The following GALNT9 variants were observed in gnomAD, a reference collection of about 807,000 sequenced individuals.
The protein encoded by GALNT9 is polypeptide N-acetylgalactosaminyltransferase 9.
A neutral mutation model predicts 63.1 loss-of-function variants in GALNT9; 47 were observed. That is an observed-to-expected ratio of 0.75 (90% confidence interval 0.59 to 0.95). The LOEUF (loss-of-function observed/expected upper bound fraction) is 0.95, where lower values mean the gene tolerates loss of function less well. Ranked by LOEUF, GALNT9 falls within the 40% of genes least tolerant of loss-of-function variation. The probability of loss-of-function intolerance (pLI) is 0.00; values close to 1 mark genes in which losing one functional copy is unlikely to be tolerated. For missense variants in GALNT9, 829 were observed against 874.8 expected (o/e 0.95, Z 0.66); for synonymous variants, 396 against 365.7 (o/e 1.08, Z -0.94).
At chr12:132,321,071 G>A (rs1290555747) in intron 1 of GALNT9, among the ~76,000 whole-genome samples, 2 of 152,222 alleles carry the variant, frequency 1.3e-5, no homozygotes, top group Admixed American at 6.5e-5. Flanking sequence ...GTGCCTGGCA[G>A]TGGGTGGAGC....
chr12:132,220,519 T>C (rs1877406956), intron 6 of GALNT9, among the ~76,000 whole-genome samples: 2 of 152,220 alleles, frequency 1.3e-5, no homozygotes, highest in South Asian at 2.1e-4. Flanking sequence ...AAATGTAAGA[T>C]GCAGTCAGTA....
chr12:132,197,472 A>G (rs10794455), intron 10 of GALNT9, among the ~76,000 whole-genome samples: 30,158 of 149,286 alleles, frequency 0.2, 2,989 homozygotes, highest in Middle Eastern at 0.31. Flanking sequence ...CTAGCGGCCC[A>G]GGTTGGAATC....
intron 1 of GALNT9, among the ~76,000 whole-genome samples, chr12:132,320,648 G>A (rs1382871653): frequency 6.8e-5 from 2 of 29,482 alleles, no homozygotes; most frequent in Non-Finnish European, 1.3e-4. Flanking sequence ...GTGGGACACG[G>A]TGGAGGAGGT....
rs372547771 is a variant in GALNT9, at chr12:132,299,484, A to C, written c.239-13054T>G. On this transcript the variant is annotated intron_variant, in intron 1 of 10. Transcript: ENST00000328957. ...AACCCACCCCTGAGATGACCAAGCC[A>C]CTCCTGAGATAACTCACTCCCATAA... 4.4e-4 allele frequency among the ~76,000 whole-genome samples: 58 copies of C among 132,382 alleles called. 1 individual carries two copies. The East Asian group carries it at 0.01, about 23-fold the overall frequency. 86.8% of individuals were successfully genotyped at this position (132,382 alleles called of 152,430 possible). A position where few individuals can be genotyped will look rare whatever the true frequency, so the allele number is the denominator to read the frequency against.
intron 5 of GALNT9, among the ~76,000 whole-genome samples, chr12:132,253,831 C>G (rs1228820407): frequency 6.6e-6 from 1 of 152,216 alleles, no homozygotes; most frequent in African/African-American, 2.4e-5. Context: ...CACACTTTCT[C>G]TGCCCGGGGC....
At chr12:132,299,891 C>G (rs1881226370) in intron 1 of GALNT9, among the ~76,000 whole-genome samples, 4 of 144,986 alleles carry the variant, frequency 2.8e-5, no homozygotes, top group African/African-American at 5.1e-5. Flanking sequence ...CTAACCCACT[C>G]CCACCACACC....
At chr12:132,256,131 G>T (rs1335264486) in intron 5 of GALNT9, among the ~76,000 whole-genome samples, 1 of 152,076 alleles carries the variant, frequency 6.6e-6, no homozygotes, top group Non-Finnish European at 1.5e-5. Context: ...GGCCCATTTT[G>T]ACTGATGGAG....
intron 6 of GALNT9, among the ~76,000 whole-genome samples, chr12:132,243,811 G>A (rs1410264053): frequency 1.3e-5 from 2 of 152,102 alleles, no homozygotes; most frequent in Non-Finnish European, 2.9e-5. Flanking sequence ...GGAATCAGCC[G>A]CTGTCCCAGC....
intron 2 of GALNT9, among the ~76,000 whole-genome samples, chr12:132,271,230 C>T (rs532429946): frequency 6.6e-6 from 1 of 151,628 alleles, no homozygotes; most frequent in African/African-American, 2.4e-5. Flanking sequence ...CTTGGGGACA[C>T]GTTTGCCAGC....
intron 1 of GALNT9, among the ~76,000 whole-genome samples, chr12:132,307,853 A>C (rs528222560): frequency 2.5e-4 from 37 of 150,352 alleles, no homozygotes; most frequent in Non-Finnish European, 4.7e-4. Context: ...AAACAACAAC[A>C]ACCACAAAAA....
At chr12:132,320,641 G>C (rs375489284) in intron 1 of GALNT9, among the ~76,000 whole-genome samples, 2 of 29,384 alleles carry the variant, frequency 6.8e-5, no homozygotes, top group Non-Finnish European at 1.3e-4. Flanking sequence ...TGGATCCGTG[G>C]GACACGGTGG....
At chr12:132,314,874 T>G (rs1315719156) in intron 1 of GALNT9, among the ~76,000 whole-genome samples, 1 of 152,228 alleles carries the variant, frequency 6.6e-6, no homozygotes, top group Non-Finnish European at 1.5e-5. Flanking sequence ...GGAGTCGGGC[T>G]GGAAGGTCGG....
intron 1 of GALNT9, 95 bp downstream of exon 1, chr12:132,328,871 G>A (rs1192720139): frequency 7.5e-7 from 1 of 1,342,200 alleles, no homozygotes; most frequent in Non-Finnish European, 9.7e-7. Flanking sequence ...GGGCGCAGAG[G>A]GGCGCGCACC....
At position 132,231,123 on chromosome 12, in the gene GALNT9, C is replaced by T. The variant is rs1320308668; in HGVS notation, c.1077+16787G>A. Among the ~76,000 whole-genome samples the T allele has an allele frequency of 6.2e-4, 55 of 88,392 alleles. 1 individual carries two copies. The highest frequency in any genetic ancestry group is 9.2e-4 in the Non-Finnish European group (43 of 46,930). The allele number at this position is 88,392 out of a possible 152,430, so 58.0% of individuals were successfully genotyped here. A position where few individuals can be genotyped will look rare whatever the true frequency, so the allele number is the denominator to read the frequency against. ...AGCGTGGAGCCCCTACTGCCACACACTCCATGGGGCGACAGAGGAGACAGC... is the reference window on the plus strand; with the variant it reads ...AGCGTGGAGCCCCTACTGCCACACATTCCATGGGGCGACAGAGGAGACAGC... On this transcript the variant is annotated intron_variant, in intron 6 of 10. Transcript: ENST00000328957.
chr12:132,237,096 A>G (rs1878032322), intron 6 of GALNT9, among the ~76,000 whole-genome samples: 1 of 151,710 alleles, frequency 6.6e-6, no homozygotes. Flanking sequence ...CCCAGTGTGG[A>G]GCGGCCAGGT....
chr12:132,320,283 C>G (rs1336743687), intron 1 of GALNT9, among the ~76,000 whole-genome samples: 1 of 152,172 alleles, frequency 6.6e-6, no homozygotes, highest in Non-Finnish European at 1.5e-5. Flanking sequence ...CGTGCAGAGC[C>G]GGGACCTCAC....
At chr12:132,224,882 CCACA>C (rs1254237390) in intron 6 of GALNT9, among the ~76,000 whole-genome samples, 9 of 147,796 alleles carry the variant, frequency 6.1e-5, no homozygotes, top group Non-Finnish European at 1.0e-4. Context: ...CCCACACATA[CCACA>C]CAATCCACAC....
intron 1 of GALNT9, among the ~76,000 whole-genome samples, chr12:132,320,701 A>G (rs1246763491): frequency 2.5e-5 from 1 of 39,584 alleles, no homozygotes; most frequent in African/African-American, 1.1e-4. Flanking sequence ...CTCCAACTCC[A>G]TGTCCCTGGG....
At chr12:132,302,974 G>A (rs80014385) in intron 1 of GALNT9, among the ~76,000 whole-genome samples, 2,269 of 152,244 alleles carry the variant, frequency 0.015, 43 homozygotes, top group East Asian at 0.067. Flanking sequence ...TCTAAGGGGG[G>A]CGAGGGTGGA....
Sources: allele counts gnomAD v4.1 joint callset (sites outside exome capture counted in the v4.1 genomes callset), GRCh38; gene constraint gnomAD v4.1.1; transcripts MANE v1.5; gene names NCBI Gene and HGNC (gene_info 2026-07-23, HGNC 2026-07-21).